Variants in CSMD1 observed in about 807,000 individuals in gnomAD.
The protein encoded by CSMD1 is CUB and sushi domain-containing protein 1.
Under a neutral mutation model 417.5 loss-of-function variants are expected in CSMD1, and 213 were observed. The observed-to-expected ratio is 0.51, with a 90% CI of 0.46 to 0.57. The LOEUF is 0.57. Ranked by LOEUF, CSMD1 falls within the 20% of genes least tolerant of loss-of-function variation. CSMD1 has a pLI of 0.00. For synonymous variants in CSMD1, 2,862 were observed against 1,736.8 expected (o/e 1.65, Z -16.11); for missense variants, 6,923 against 4,529.7 (o/e 1.53, Z -15.17).
At chr8:4,772,948 A>G (rs188887948) in intron 1 of CSMD1, among the ~76,000 whole-genome samples, 195 of 152,296 alleles carry the variant, frequency 1.3e-3, no homozygotes, top group African/African-American at 4.6e-3. Context: ...ACATTGCTGG[A>G]ATATAACACA....
At chr8:4,218,508 T>C (rs1017583588) in intron 3 of CSMD1, among the ~76,000 whole-genome samples, 3 of 152,236 alleles carry the variant, frequency 2.0e-5, no homozygotes, top group African/African-American at 7.2e-5. Context: ...TAATAAATAA[T>C]ATTTGCATTT....
intron 3 of CSMD1, among the ~76,000 whole-genome samples, chr8:4,172,061 G>C (rs1447901141): frequency 6.6e-6 from 1 of 152,108 alleles, no homozygotes; most frequent in Non-Finnish European, 1.5e-5. Context: ...GATGCTTAAA[G>C]TATCTCTTTC....
At chr8:4,787,603 A>G in intron 1 of CSMD1, 3 of 1,546,252 alleles carry the variant, frequency 1.9e-6, no homozygotes, top group Non-Finnish European at 2.7e-6. Flanking sequence ...TTCCAATTGA[A>G]TGGGTTTGCA....
At chr8:3,999,299 G>T (rs1397958461) in intron 4 of CSMD1, among the ~76,000 whole-genome samples, 1 of 152,128 alleles carries the variant, frequency 6.6e-6, no homozygotes, top group Non-Finnish European at 1.5e-5. Context: ...AGCAGAGGTT[G>T]TGTGACCGGC....
intron 11 of CSMD1, among the ~76,000 whole-genome samples, chr8:3,485,706 G>C (rs1036550151): frequency 6.6e-6 from 1 of 151,706 alleles, no homozygotes; most frequent in Non-Finnish European, 1.5e-5. Flanking sequence ...GTTGCAGTGA[G>C]TTGAGATTGT....
At chr8:4,561,309 G>C (rs1463702356) in intron 2 of CSMD1, among the ~76,000 whole-genome samples, 1 of 152,186 alleles carries the variant, frequency 6.6e-6, no homozygotes, top group Non-Finnish European at 1.5e-5. Context: ...AGGAGCTGGA[G>C]GTTGCAGTGA....
chr8:3,415,561 G>C (rs1004023381), intron 12 of CSMD1, among the ~76,000 whole-genome samples: 1 of 152,188 alleles, frequency 6.6e-6, no homozygotes, highest in South Asian at 2.1e-4. Flanking sequence ...GTTTCACCAT[G>C]TTGGCCACGC....
At chr8:4,200,469 A>G (rs936198066) in intron 3 of CSMD1, among the ~76,000 whole-genome samples, 1 of 152,238 alleles carries the variant, frequency 6.6e-6, no homozygotes, top group African/African-American at 2.4e-5. Context: ...TTTAAGTGAC[A>G]AAGTTGAATC....
chr8:4,915,753 T>A (rs535884617), intron 1 of CSMD1, among the ~76,000 whole-genome samples: 2 of 152,368 alleles, frequency 1.3e-5, no homozygotes, highest in Non-Finnish European at 2.9e-5. Context: ...ATTTGGATTT[T>A]CCTGGCGGGG....
At chr8:3,757,458 G>A (rs1315695255) in intron 5 of CSMD1, among the ~76,000 whole-genome samples, 1 of 152,116 alleles carries the variant, frequency 6.6e-6, no homozygotes, top group African/African-American at 2.4e-5. Context: ...GTTACTTTTT[G>A]ATTGTATTTT....
At chr8:4,485,282 G>C (rs549039539) in intron 2 of CSMD1, among the ~76,000 whole-genome samples, 5 of 152,294 alleles carry the variant, frequency 3.3e-5, no homozygotes, top group African/African-American at 9.6e-5. Flanking sequence ...ACGCCTGTCA[G>C]CTGAGAACAT....
At chr8:3,389,471 G>C (rs993888656) in intron 17 of CSMD1, among the ~76,000 whole-genome samples, 1 of 152,120 alleles carries the variant, frequency 6.6e-6, no homozygotes, top group Non-Finnish European at 1.5e-5. Flanking sequence ...AAGAAGCTCT[G>C]CTGAAGAAAT....
intron 2 of CSMD1, among the ~76,000 whole-genome samples, chr8:4,427,823 A>C (rs899809355): frequency 4.6e-5 from 7 of 152,208 alleles, no homozygotes; most frequent in African/African-American, 1.7e-4. Context: ...TGCATGTTTA[A>C]CCTATTGAAT....
intron 7 of CSMD1, among the ~76,000 whole-genome samples, chr8:3,698,839 T>C (rs1800698735): frequency 6.6e-6 from 1 of 152,144 alleles, no homozygotes. Context: ...CGTGGGAAAA[T>C]GATTTCTGAA....
intron 2 of CSMD1, among the ~76,000 whole-genome samples, chr8:4,457,372 G>C (rs923814819): frequency 2.0e-5 from 3 of 152,084 alleles, no homozygotes; most frequent in East Asian, 1.9e-4. Flanking sequence ...AGTGATTGGG[G>C]CTTCCCGAGG....
chr8:3,312,462 C>T (rs908283180), intron 23 of CSMD1, among the ~76,000 whole-genome samples: 1 of 152,254 alleles, frequency 6.6e-6, no homozygotes, highest in African/African-American at 2.4e-5. Flanking sequence ...ATTCCTCTTT[C>T]CTGTCAGAAA....
intron 2 of CSMD1, among the ~76,000 whole-genome samples, chr8:4,618,939 A>G (rs1355766053): frequency 1.3e-5 from 2 of 152,160 alleles, no homozygotes; most frequent in South Asian, 2.1e-4. Context: ...CACAATAACA[A>G]ATCCATATTT....
At chr8:3,655,100 A>G (rs1020562814) in intron 7 of CSMD1, among the ~76,000 whole-genome samples, 1 of 152,250 alleles carries the variant, frequency 6.6e-6, no homozygotes, top group Admixed American at 6.5e-5. Flanking sequence ...TTCATTCAAA[A>G]TATGAAAATA....
intron 10 of CSMD1, among the ~76,000 whole-genome samples, chr8:3,513,630 C>G (rs933040667): frequency 1.3e-5 from 2 of 152,196 alleles, no homozygotes; most frequent in African/African-American, 2.4e-5. Context: ...ACTTACTGCT[C>G]TGCCACCATC....
Sources: gnomAD v4.1 joint callset for allele counts (sites outside exome capture counted in the v4.1 genomes callset) on GRCh38, gnomAD v4.1.1 for gene constraint, MANE v1.5 for transcripts, NCBI Gene and HGNC (gene_info 2026-07-23, HGNC 2026-07-21) for gene names.